Variants in DDX52 observed in about 807,000 individuals in gnomAD.
The protein encoded by DDX52 is DExD-box helicase 52, also known as probable ATP-dependent RNA helicase DDX52.
In DDX52, 59 loss-of-function variants were observed where a neutral mutation model predicts 76.1. The observed-to-expected ratio is 0.78, with a 90% CI of 0.63 to 0.96. The LOEUF is 0.96. Among genes scored for constraint, DDX52 ranks in the 40% least tolerant of loss-of-function variants. The pLI is 0.00. For synonymous variants in DDX52, 231 were observed against 244.1 expected, an observed-to-expected ratio of 0.95 and a Z score of 0.50; for missense variants, 707 against 703.9, an observed-to-expected ratio of 1.00 and a Z score of -0.05.
intron 14 of DDX52, among the ~76,000 whole-genome samples, chr17:37,615,862 A>G (rs2147332459): frequency 6.6e-6 from 1 of 152,048 alleles, no homozygotes; most frequent in Non-Finnish European, 1.5e-5. Flanking sequence ...AAAAATACAA[A>G]AATTAGCTGG....
chr17:37,634,716 G>T (rs1384676099), intron 2 of DDX52, among the ~76,000 whole-genome samples: 1 of 152,102 alleles, frequency 6.6e-6, no homozygotes, highest in East Asian at 1.9e-4. Flanking sequence ...AATCTATGAA[G>T]AACACTAGCC....
intron 14 of DDX52, among the ~76,000 whole-genome samples, chr17:37,616,209 C>T (rs188912753): frequency 3.3e-5 from 5 of 152,280 alleles, no homozygotes; most frequent in Admixed American, 2.0e-4. Context: ...ACATACACAA[C>T]AGTTCTGATG....
chr17:37,630,575 T>TA (rs2030628923), intron 4 of DDX52, among the ~76,000 whole-genome samples: 1 of 149,334 alleles, frequency 6.7e-6, no homozygotes, highest in African/African-American at 2.5e-5. Context: ...GCTGAAGAAA[T>TA]AAAAAATGGC....
Position 37,621,127 on chromosome 17 carries a change from C to T in DDX52, c.1501G>A (p.Gly501Ser). Residue 501 changes from glycine to serine, a missense_variant and splice_region_variant, in exon 11 of 15, where the codon GGT (glycine) becomes AGT (serine). Coordinates refer to ENST00000617633, the MANE Select transcript of DDX52 (RefSeq NM_007010.5). ...GGGAAGGAAAAAAAAGACAACTCACCTATCCTGTGGATATATTCCACTGAG... is the reference window on the plus strand; with the variant it reads ...GGGAAGGAAAAAAAAGACAACTCACTTATCCTGTGGATATATTCCACTGAG... ...TSSVEYIHRI[G>S]RTGRAGNKGK... The T allele has an allele frequency of 6.2e-7, 1 of 1,606,966 alleles. No individual in the cohort carries two copies. Among genetic ancestry groups the T allele is most frequent in the Non-Finnish European group, 8.5e-7 (1 of 1,177,448 alleles).
At position 37,614,368 on chromosome 17, in the gene DDX52, G is replaced by GT; in HGVS notation, c.1743-16dup. 1 of 1,603,664 alleles carries GT rather than the reference G, an allele frequency of 6.2e-7. No homozygotes were observed. The highest frequency in any genetic ancestry group is 8.5e-7 in the Non-Finnish European group (1 of 1,177,114). ...TGACCTTTTTCCTGTAAAGAGCAAAGTAAGAAAAATTGAATAAAAAATTCT... is the reference window on the plus strand; with the variant it reads ...TGACCTTTTTCCTGTAAAGAGCAAAGTTAAGAAAAATTGAATAAAAAATTCT... On this transcript the variant is annotated splice_polypyrimidine_tract_variant and intron_variant, in intron 14 of 14. Transcript: ENST00000617633.
chr17:37,614,722 C>T (rs1050225480), intron 14 of DDX52, among the ~76,000 whole-genome samples: 18 of 152,142 alleles, frequency 1.2e-4, no homozygotes, highest in African/African-American at 4.1e-4. Context: ...TATTATCCTC[C>T]GTTTACAGAT....
chr17:37,617,992 G>T (rs2029885128), intron 14 of DDX52, among the ~76,000 whole-genome samples: 1 of 152,098 alleles, frequency 6.6e-6, no homozygotes, highest in Non-Finnish European at 1.5e-5. Flanking sequence ...GCGGGAGCCT[G>T]TAATCCCAGC....
In DDX52 at chr17:37,611,289, C is replaced by T. The variant is rs1483227056; in HGVS notation, c.*3007G>A. ...AAGACAGTGAGACTGATGATCCTGA[C>T]CTTTTGTATGCCTAGCATAATGTGT... On this transcript the variant is annotated 3_prime_UTR_variant, in exon 15 of 15. Transcript: ENST00000617633. The T allele has an allele frequency of 6.6e-6, 1 of 152,068 alleles. No individual in the cohort carries two copies. Among genetic ancestry groups the T allele is most frequent in the Non-Finnish European group, 1.5e-5 (1 of 68,028 alleles). 9.4% of individuals were successfully genotyped at this position (152,068 alleles called of 1,614,324 possible).
At chr17:37,635,591 AG>A (rs1232210605) in intron 2 of DDX52, 1 of 455,956 alleles carries the variant, frequency 2.2e-6, no homozygotes, top group Admixed American at 2.4e-5. Flanking sequence ...ATGGATGTAC[AG>A]TTCATCATTC....
chr17:37,634,761 A>G (rs1428965222), intron 2 of DDX52, among the ~76,000 whole-genome samples: 1 of 152,192 alleles, frequency 6.6e-6, no homozygotes, highest in African/African-American at 2.4e-5. Context: ...TTTGGTGACT[A>G]GATCAGCTGA....
chr17:37,635,454 G>A (rs779832980), intron 2 of DDX52: 24 of 337,882 alleles, frequency 7.1e-5, no homozygotes, highest in South Asian at 4.7e-4. Context: ...TTATATAAAC[G>A]GAATCATGTC....
intron 9 of DDX52, among the ~76,000 whole-genome samples, chr17:37,623,199 C>T (rs1482393455): frequency 2.0e-5 from 3 of 152,206 alleles, no homozygotes; most frequent in South Asian, 2.1e-4. Context: ...GGTTTCCTTA[C>T]TTTCCATCTT....
chr17:37,626,260 T>C lies in DDX52; in HGVS notation c.933-162A>G, dbSNP rs562725444. Among the ~76,000 whole-genome samples, 3 of 151,578 alleles carry C rather than the reference T, an allele frequency of 2.0e-5. No homozygotes were observed. The South Asian group carries it at 6.2e-4, about 32-fold the overall frequency. On this transcript the variant is annotated intron_variant, in intron 7 of 14. Transcript: ENST00000617633. ...AAAAAATAAGAAACACAAGCAGGTG[T>C]CATGGTTTGGCTGTGTATCCCCACC... is the stretch of plus-strand genomic sequence containing the variant.
chr17:37,640,650 A>G (rs529010654), intron 2 of DDX52, among the ~76,000 whole-genome samples: 14 of 151,056 alleles, frequency 9.3e-5, no homozygotes, highest in African/African-American at 3.4e-4. Context: ...AATATTATAG[A>G]TTAAAAAAAT....
intron 5 of DDX52, among the ~76,000 whole-genome samples, chr17:37,629,272 CACACAT>C (rs1390877529): frequency 0.014 from 1,769 of 122,232 alleles, 54 homozygotes; most frequent in African/African-American, 0.069. Context: ...CACACACACA[CACACAT>C]AGTACTATTA....
rs2064385065 is a variant in DDX52 at position 37,612,972 on chromosome 17, A to T, written c.*1324T>A. On this transcript the variant is annotated 3_prime_UTR_variant, in exon 15 of 15. Transcript: ENST00000617633. ...TCTTGTAAGTATTTTTACACCCTGT[A>T]CCAGTAGATCTTTCTTTAAATAAAT... is the stretch of plus-strand genomic sequence containing the variant. The T allele has an allele frequency of 6.6e-6, 1 of 152,234 alleles. No individual in the cohort carries two copies. The highest frequency in any genetic ancestry group is 2.1e-4 in the South Asian group (1 of 4,838). 9.4% of individuals were successfully genotyped at this position (152,234 alleles called of 1,614,324 possible). A position where few individuals can be genotyped will look rare whatever the true frequency, so the allele number is the denominator to read the frequency against.
chr17:37,632,706 C>G (rs2030740038), intron 3 of DDX52, among the ~76,000 whole-genome samples: 1 of 152,162 alleles, frequency 6.6e-6, no homozygotes, highest in African/African-American at 2.4e-5. Flanking sequence ...GTTTGTTTCC[C>G]CATTCTCTGG....
rs2064399669 is a variant in DDX52 at position 37,614,271 on chromosome 17, G to A, written c.*25C>T. On this transcript the variant is annotated 3_prime_UTR_variant, in exon 15 of 15. Coordinates refer to ENST00000617633, the MANE Select transcript of DDX52 (RefSeq NM_007010.5). ...GCTGGGATCATAAAATTACATTTCTGGGACAGTATTTTTAAAGTCTGTTTT... is the reference window on the plus strand; with the variant it reads ...GCTGGGATCATAAAATTACATTTCTAGGACAGTATTTTTAAAGTCTGTTTT... 2 of 1,605,942 alleles carry A rather than the reference G, an allele frequency of 1.2e-6. No homozygotes were observed. Among genetic ancestry groups the A allele is most frequent in the South Asian group, 2.2e-5 (2 of 89,774 alleles).
chr17:37,641,821 T>C (rs1598773048), intron 2 of DDX52, among the ~76,000 whole-genome samples: 1 of 152,200 alleles, frequency 6.6e-6, no homozygotes, highest in African/African-American at 2.4e-5. Flanking sequence ...GAAGTCACTT[T>C]GTAGTATTTT....
Sources: gnomAD v4.1 joint callset for allele counts (sites outside exome capture counted in the v4.1 genomes callset) on GRCh38, gnomAD v4.1.1 for gene constraint, MANE v1.5 for transcripts, NCBI Gene and HGNC (gene_info 2026-07-23, HGNC 2026-07-21) for gene names.